Variants in PRKX observed in about 807,000 individuals in gnomAD.
The protein encoded by PRKX is cAMP-dependent protein kinase catalytic subunit PRKX.
A neutral mutation model predicts 22.0 loss-of-function variants in PRKX; 12 were observed. The observed-to-expected ratio is 0.54, with a 90% CI of 0.35 to 0.88. The LOEUF (loss-of-function observed/expected upper bound fraction) is 0.88. PRKX is among the 40% of genes least tolerant of loss of function. PRKX has a pLI of 0.01. For synonymous variants in PRKX, 134 were observed against 137.7 expected (o/e 0.97, Z 0.19); for missense variants, 217 against 308.0 (o/e 0.70, Z 2.21).
At chrX:3,699,405 T>C (rs1928512186) in intron 1 of PRKX, among the ~76,000 whole-genome samples, 1 of 110,909 alleles carries the variant, frequency 9.0e-6, no homozygotes, top group South Asian at 3.8e-4. Context: ...CAGGCTGGAG[T>C]GCAGTGGCAC....
intron 6 of PRKX, among the ~76,000 whole-genome samples, chrX:3,616,595 C>G (rs1176512679): frequency 8.9e-6 from 1 of 111,980 alleles, no homozygotes; most frequent in African/African-American, 3.2e-5. Flanking sequence ...AACGTAGGTT[C>G]CATGAAACAG....
At chrX:3,643,871 G>A (rs1406292472) in intron 3 of PRKX, among the ~76,000 whole-genome samples, 2 of 110,157 alleles carry the variant, frequency 1.8e-5, no homozygotes, top group African/African-American at 3.3e-5. Context: ...GCCTGAGTCC[G>A]CACTGTTTGC....
intron 1 of PRKX, among the ~76,000 whole-genome samples, chrX:3,692,171 C>G (rs1316538483): frequency 9.2e-6 from 1 of 109,148 alleles, no homozygotes; most frequent in Non-Finnish European, 1.9e-5. Flanking sequence ...CTGACTCTCA[C>G]GCTAAAGCAG....
rs146848027 is a variant in PRKX at position 3,634,628 on chromosome X, C to T, written c.719+7224G>A. Among the ~76,000 whole-genome samples, 602 of 111,615 alleles carry T rather than the reference C, an allele frequency of 5.4e-3. 4 individuals are homozygous for T. Among genetic ancestry groups the T allele is most frequent in the Middle Eastern group, 9.3e-3 (2 of 216 alleles). ...GACAGAGGGAGGAGAGGCCAGCAGCCCTTGTGAAAGCTGGACACTAAAGAG... is the reference window on the plus strand; with the variant it reads ...GACAGAGGGAGGAGAGGCCAGCAGCTCTTGTGAAAGCTGGACACTAAAGAG... On this transcript the variant is annotated intron_variant, in intron 4 of 8. Transcript: ENST00000262848.
At chrX:3,620,288 C>G (rs1281602562) in intron 6 of PRKX, among the ~76,000 whole-genome samples, 1 of 112,364 alleles carries the variant, frequency 8.9e-6, no homozygotes, top group African/African-American at 3.2e-5. Context: ...GGGCTACAGC[C>G]TGGATGAACC....
intron 3 of PRKX, among the ~76,000 whole-genome samples, chrX:3,651,050 A>G (rs1195209681): frequency 9.2e-6 from 1 of 108,951 alleles, no homozygotes; most frequent in Admixed American, 9.9e-5. Flanking sequence ...GCCCCCATGA[A>G]CACAACTTCC....
rs181489365 is a variant in PRKX at position 3,642,352 on chromosome X, T to C, written c.600-381A>G. Among the ~76,000 whole-genome samples, 82 of 110,589 alleles carry C rather than the reference T, an allele frequency of 7.4e-4. No individual in the cohort carries two copies. In the East Asian group the frequency reaches 0.016, roughly 22 times the overall value. ...CGAGATCATGTCCTCTGCAGCAACA[T>C]GGACGGAGGTGGAGAGGCCATTCTC... On this transcript the variant is annotated intron_variant, in intron 3 of 8. Coordinates refer to ENST00000262848, the MANE Select transcript of PRKX (RefSeq NM_005044.5).
At chrX:3,618,371 A>G (rs1926481022) in intron 6 of PRKX, among the ~76,000 whole-genome samples, 1 of 111,631 alleles carries the variant, frequency 9.0e-6, no homozygotes, top group African/African-American at 3.3e-5. Flanking sequence ...TAATCCTAGC[A>G]CTTTGTGAGG....
chrX:3,627,452 G>A (rs1159092040), intron 4 of PRKX, among the ~76,000 whole-genome samples: 4 of 105,069 alleles, frequency 3.8e-5, no homozygotes, highest in African/African-American at 1.4e-4. Flanking sequence ...GTGAGGATGT[G>A]GAGAAAAGGG....
intron 6 of PRKX, among the ~76,000 whole-genome samples, chrX:3,616,162 G>T (rs1227017519): frequency 1.8e-5 from 2 of 111,209 alleles, no homozygotes; most frequent in African/African-American, 3.3e-5. Flanking sequence ...AGACGAAAAA[G>T]GTAAATACGA....
intron 4 of PRKX, chrX:3,641,382 G>A (rs1418671896): frequency 1.6e-5 from 2 of 121,911 alleles, no homozygotes; most frequent in African/African-American, 6.5e-5. Flanking sequence ...GAGCTCTGCA[G>A]GTTACTTCAG....
At position 3,700,837 on chromosome X, in the gene PRKX, C is replaced by T. The variant is rs779561161; in HGVS notation, c.166+12251G>A. Among the ~76,000 whole-genome samples the T allele has an allele frequency of 5.3e-4, 59 of 111,069 alleles. No individual in the cohort carries two copies. In the East Asian group the frequency reaches 6.8e-3, roughly 13 times the overall value. On this transcript the variant is annotated intron_variant, in intron 1 of 8. Transcript: ENST00000262848. ...CTAGTCTCGAACCCCTGGCCTCAAG[C>T]GCTCCACCCACCTCAACCTCCCAAA...
intron 4 of PRKX, among the ~76,000 whole-genome samples, chrX:3,628,784 C>T (rs1395479555): frequency 9.1e-6 from 1 of 110,026 alleles, no homozygotes; most frequent in East Asian, 2.9e-4. Flanking sequence ...GTCATGCCTG[C>T]AATCCCAACA....
intron 3 of PRKX, among the ~76,000 whole-genome samples, chrX:3,645,499 T>A (rs780539365): frequency 2.7e-5 from 3 of 112,218 alleles, no homozygotes; most frequent in African/African-American, 9.7e-5. Context: ...GATGAGATCA[T>A]CCTGGCTTAG....
chrX:3,705,725 C>G, intron 1 of PRKX, among the ~76,000 whole-genome samples: 1 of 104,874 alleles, frequency 9.5e-6, no homozygotes, highest in Non-Finnish European at 1.9e-5. Context: ...CTTGCTCTGT[C>G]GCCCAGGCTG....
intron 1 of PRKX, among the ~76,000 whole-genome samples, chrX:3,703,427 A>T (rs1928617846): frequency 8.9e-6 from 1 of 111,787 alleles, no homozygotes; most frequent in Non-Finnish European, 1.9e-5. Flanking sequence ...TACTGGCAAC[A>T]GCCTCCCACA....
intron 2 of PRKX, chrX:3,659,658 G>A (rs1468423970): frequency 9.0e-6 from 1 of 110,711 alleles, no homozygotes; most frequent in African/African-American, 3.3e-5. Flanking sequence ...GAGGCATAAA[G>A]GGAAGCAGGG....
intron 1 of PRKX, among the ~76,000 whole-genome samples, chrX:3,708,726 T>C (rs1273978615): frequency 8.3e-5 from 9 of 108,853 alleles, no homozygotes; most frequent in Non-Finnish European, 1.3e-4. Context: ...TAGCCAGGCA[T>C]GGTGGCACAT....
At chrX:3,707,864 C>A (rs140900534) in intron 1 of PRKX, among the ~76,000 whole-genome samples, 1 of 111,257 alleles carries the variant, frequency 9.0e-6, no homozygotes, top group South Asian at 3.8e-4. Context: ...AAGGGCTGAG[C>A]TCCACTTTCT....
Sources: allele counts gnomAD v4.1 joint callset (sites outside exome capture counted in the v4.1 genomes callset), GRCh38; gene constraint gnomAD v4.1.1; transcripts MANE v1.5; gene names NCBI Gene and HGNC (gene_info 2026-07-23, HGNC 2026-07-21).